The following UIMC1 variants were observed in gnomAD, a reference collection of about 807,000 sequenced individuals.
UIMC1 encodes BRCA1-A complex subunit RAP80.
Under a neutral mutation model 84.9 loss-of-function variants are expected in UIMC1, and 42 were observed. The observed-to-expected ratio is 0.49, with a 90% CI of 0.39 to 0.64. The LOEUF (loss-of-function observed/expected upper bound fraction) is 0.64. UIMC1 is among the 30% of genes least tolerant of loss of function. The pLI is 0.00. For synonymous variants in UIMC1, 281 were observed against 293.0 expected (o/e 0.96, Z 0.42); for missense variants, 825 against 847.6 (o/e 0.97, Z 0.33).
intron 2 of UIMC1, among the ~76,000 whole-genome samples, chr5:176,980,682 A>G (rs905123138): frequency 3.3e-5 from 5 of 152,112 alleles, no homozygotes; most frequent in East Asian, 1.9e-4. Context: ...TTTTTTTAAC[A>G]TATCTGTATC....
intron 10 of UIMC1, among the ~76,000 whole-genome samples, chr5:176,925,783 A>G (rs1762319717): frequency 6.6e-6 from 1 of 152,198 alleles, no homozygotes; most frequent in African/African-American, 2.4e-5. Context: ...AAGAAGAGAT[A>G]TGAGGGAATC....
At chr5:176,995,488 G>A (rs572515901) in intron 1 of UIMC1, among the ~76,000 whole-genome samples, 1 of 126,266 alleles carries the variant, frequency 7.9e-6, no homozygotes, top group South Asian at 2.6e-4. Flanking sequence ...CAGGAGCCGA[G>A]ACCATACCAC....
intron 10 of UIMC1, among the ~76,000 whole-genome samples, chr5:176,941,671 A>G (rs1018910847): frequency 6.6e-5 from 10 of 152,190 alleles, no homozygotes; most frequent in African/African-American, 2.4e-4. Flanking sequence ...AACACTTCCA[A>G]TTACCTAGGT....
intron 7 of UIMC1, 113 bp from the exon 8 acceptor site, chr5:176,956,148 C>T: frequency 1.1e-6 from 1 of 894,372 alleles, no homozygotes; most frequent in South Asian, 1.7e-5. Context: ...TACTTGCTGC[C>T]TAATACCACA....
At position 176,951,586 on chromosome 5, in the gene UIMC1, T is replaced by TA; in HGVS notation, c.1340-10dup. 1 of 1,542,698 alleles carries TA rather than the reference T, an allele frequency of 6.5e-7. No individual in the cohort carries two copies. Among genetic ancestry groups the TA allele is most frequent in the Non-Finnish European group, 8.7e-7 (1 of 1,148,922 alleles). On this transcript the variant is annotated splice_polypyrimidine_tract_variant and intron_variant, in intron 8 of 14. Transcript: ENST00000511320. ...GGAACTTAGCTGGGTCTCTGTAATT[T>TA]AAAAAAGTTAAAATCCCATTAATTT...
intron 10 of UIMC1, among the ~76,000 whole-genome samples, chr5:176,923,634 C>A (rs545218172): frequency 6.6e-6 from 1 of 151,146 alleles, no homozygotes; most frequent in Non-Finnish European, 1.5e-5. Flanking sequence ...GAGGCTGAGG[C>A]GGACAGATCA....
chr5:176,961,927 G>A (rs1355999436), intron 6 of UIMC1, among the ~76,000 whole-genome samples: 4 of 60,840 alleles, frequency 6.6e-5, no homozygotes, highest in Non-Finnish European at 1.0e-4. Flanking sequence ...CAGCCGCCCC[G>A]TCCGGGAGGG....
At chr5:176,970,707 A>T in intron 4 of UIMC1, 35 bp downstream of exon 4, 1 of 1,613,712 alleles carries the variant, frequency 6.2e-7, no homozygotes, top group Non-Finnish European at 8.5e-7. Flanking sequence ...ATAGCTGATC[A>T]ATCTCCACAA....
chr5:176,929,227 C>G (rs1039002182), intron 10 of UIMC1, among the ~76,000 whole-genome samples: 17 of 150,604 alleles, frequency 1.1e-4, no homozygotes, highest in Middle Eastern at 3.6e-3. Context: ...TGCATTCCAG[C>G]CTGGGTGACA....
upstream of UIMC1, among the ~76,000 whole-genome samples, chr5:177,008,130 A>G (rs1184157154): frequency 1.3e-5 from 2 of 149,398 alleles, no homozygotes; most frequent in African/African-American, 4.9e-5. Context: ...AGAGAGAGAG[A>G]CCTAAAAATA....
Position 176,907,134 on chromosome 5 carries a change from T to C in UIMC1, c.1892A>G (p.Gln631Arg). 2 of 1,613,938 alleles carry C rather than the reference T, an allele frequency of 1.2e-6. No individual in the cohort carries two copies. The highest frequency in any genetic ancestry group is 1.7e-6 in the Non-Finnish European group (2 of 1,179,882). ...SEGRLLSFLE[Q>R]SEHKTSDADI... ...CTCACCTGAAGTCTTGTGCTCAGAC[T>C]GTTCCAAGAAACTAAGGAGTCGGCC... The change falls in exon 13 of 15, where the codon CAG (glutamine) becomes CGG (arginine). Residue 631 changes from glutamine to arginine, a missense_variant. Transcript: ENST00000511320.
intron 9 of UIMC1, among the ~76,000 whole-genome samples, chr5:176,949,473 G>A (rs898460799): frequency 8.5e-5 from 13 of 152,160 alleles, no homozygotes; most frequent in African/African-American, 2.9e-4. Context: ...GGATGACTAT[G>A]GTAATAATAT....
intron 2 of UIMC1, 31 bp downstream of exon 2, chr5:176,982,432 GAGCTAC>G: frequency 6.3e-7 from 1 of 1,588,216 alleles, no homozygotes; most frequent in Non-Finnish European, 8.5e-7. Flanking sequence ...CATAGTTTGA[GAGCTAC>G]AGCTCTACTT....
intron 14 of UIMC1, 68 bp from the exon 15 acceptor site, chr5:176,905,560 G>GT (rs1427168800): frequency 4.3e-6 from 6 of 1,396,364 alleles, no homozygotes; most frequent in African/African-American, 1.4e-5. Flanking sequence ...GCTATGCACT[G>GT]TATCAGGGGA....
intron 10 of UIMC1, among the ~76,000 whole-genome samples, chr5:176,923,451 G>A (rs528671217): frequency 6.6e-6 from 1 of 152,076 alleles, no homozygotes; most frequent in Non-Finnish European, 1.5e-5. Flanking sequence ...TTGGAAGGCT[G>A]AGGTACAAGA....
intron 10 of UIMC1, among the ~76,000 whole-genome samples, chr5:176,942,501 G>C (rs1561789754): frequency 6.6e-6 from 1 of 152,062 alleles, no homozygotes; most frequent in African/African-American, 2.4e-5. Flanking sequence ...CCAACACTTT[G>C]GGAGGCCGAG....
At chr5:176,955,503 G>T (rs1766479559) in intron 8 of UIMC1, among the ~76,000 whole-genome samples, 1 of 152,124 alleles carries the variant, frequency 6.6e-6, no homozygotes, top group African/African-American at 2.4e-5. Context: ...AGGCCAAGGA[G>T]GGAGAACTTA....
At chr5:176,934,616 T>C (rs565714004) in intron 10 of UIMC1, among the ~76,000 whole-genome samples, 57 of 152,384 alleles carry the variant, frequency 3.7e-4, no homozygotes, top group African/African-American at 1.3e-3. Flanking sequence ...TAATGATGTT[T>C]TCTGTTATTG....
chr5:176,982,535 A>G lies in UIMC1; in HGVS notation c.81T>C (p.Ser27=). ...GTCTACGCTTCCTCTTCACACTGAC[A>G]GAACTGGTAGTTTCCACATCCTTCT... ...LEKKDVETTS[S]VSVKRKRRLE... is the part of the protein sequence containing the mutation. The change falls in exon 2 of 15, where the codon TCT becomes TCC. Residue 27 remains serine, a synonymous_variant. Transcript: ENST00000511320. The G allele has an allele frequency of 1.2e-6, 2 of 1,614,160 alleles. No individual in the cohort carries two copies. The highest frequency in any genetic ancestry group is 1.7e-6 in the Non-Finnish European group (2 of 1,180,028).
Sources: allele counts gnomAD v4.1 joint callset (sites outside exome capture counted in the v4.1 genomes callset), GRCh38; gene constraint gnomAD v4.1.1; transcripts MANE v1.5; gene names NCBI Gene and HGNC (gene_info 2026-07-23, HGNC 2026-07-21).